The following RIPOR2 variants were observed in gnomAD, a reference collection of about 807,000 sequenced individuals.
RIPOR2 encodes rho family-interacting cell polarization regulator 2.
In RIPOR2, 39 loss-of-function variants were observed where a neutral mutation model predicts 114.5. The observed-to-expected ratio is 0.34, with a 90% CI of 0.26 to 0.44. RIPOR2 has a LOEUF of 0.44. Among genes scored for constraint, RIPOR2 ranks in the 20% least tolerant of loss-of-function variants. The pLI is 1.00. For missense variants in RIPOR2, 1,007 were observed against 1,255.1 expected, an observed-to-expected ratio of 0.80 and a Z score of 2.99; for synonymous variants, 445 against 484.4, an observed-to-expected ratio of 0.92 and a Z score of 1.07.
chr6:24,955,740 C>T (rs1773005333), intron 1 of RIPOR2, among the ~76,000 whole-genome samples: 2 of 150,198 alleles, frequency 1.3e-5, no homozygotes, highest in South Asian at 4.2e-4. Flanking sequence ...TGCAGTGGCT[C>T]ACGGCTGTAA....
chr6:24,857,230 C>T (rs1029196558), intron 8 of RIPOR2, among the ~76,000 whole-genome samples: 1 of 152,122 alleles, frequency 6.6e-6, no homozygotes, highest in Non-Finnish European at 1.5e-5. Context: ...CTTACAGGCT[C>T]TTGTCTGGGG....
At chr6:24,949,349 T>C (rs1465145406) in intron 1 of RIPOR2, among the ~76,000 whole-genome samples, 1 of 152,114 alleles carries the variant, frequency 6.6e-6, no homozygotes, top group Admixed American at 6.6e-5. Context: ...TATCACGAGG[T>C]TGAAGCCTTT....
intron 1 of RIPOR2, among the ~76,000 whole-genome samples, chr6:25,002,890 G>A (rs1377573014): frequency 2.6e-5 from 4 of 152,330 alleles, no homozygotes; most frequent in South Asian, 2.1e-4. Flanking sequence ...TGTGTGGTTC[G>A]TCCGAAGTTG....
intron 1 of RIPOR2, among the ~76,000 whole-genome samples, chr6:24,889,649 T>C (rs1767141886): frequency 6.6e-6 from 1 of 152,072 alleles, no homozygotes; most frequent in South Asian, 2.1e-4. Context: ...ATATATATTT[T>C]AAAGCAACTA....
chr6:24,808,922 G>A (rs1200568824), intron 21 of RIPOR2, among the ~76,000 whole-genome samples: 5 of 151,732 alleles, frequency 3.3e-5, no homozygotes, highest in African/African-American at 9.7e-5. Flanking sequence ...ACCACACCTG[G>A]CTAATTTTTG....
chr6:24,809,644 A>C, intron 21 of RIPOR2, 73 bp downstream of exon 21: 1 of 1,005,616 alleles, frequency 9.9e-7, no homozygotes, highest in Non-Finnish European at 1.5e-6. Flanking sequence ...GGAGAAGGGA[A>C]CATCTAAATG....
chr6:24,834,626 G>A (rs62401986), intron 15 of RIPOR2, among the ~76,000 whole-genome samples: 4,016 of 152,124 alleles, frequency 0.026, 85 homozygotes, highest in Non-Finnish European at 0.038. Context: ...ATCGAGACAG[G>A]TCTCTGAGAG....
rs79868980 is a variant in RIPOR2, at chr6:24,830,452, C to G, written c.2506+57G>C. On this transcript the variant is annotated intron_variant, in intron 17 of 21. Coordinates refer to ENST00000643898, the MANE Select transcript of RIPOR2 (RefSeq NM_001286445.3). Reference sequence around the variant, plus strand: ...GGACCCCTCTCCCCCGACCCCCACCCCAATGCCCACTCTCACACTGAAGGA... The same window carrying G: ...GGACCCCTCTCCCCCGACCCCCACCGCAATGCCCACTCTCACACTGAAGGA... 55,879 of 1,464,546 alleles carry G rather than the reference C, an allele frequency of 0.038. 1,414 individuals carry two copies. Among genetic ancestry groups the G allele is most frequent in the East Asian group, 0.082 (3,294 of 40,124 alleles). The allele number at this position is 1,464,546 out of a possible 1,614,324, so 90.7% of individuals were successfully genotyped here.
intron 1 of RIPOR2, among the ~76,000 whole-genome samples, chr6:24,885,342 C>T (rs1262616489): frequency 6.6e-6 from 1 of 152,180 alleles, no homozygotes; most frequent in Non-Finnish European, 1.5e-5. Context: ...CCTGCCTCAG[C>T]CTCCCGAGTA....
intron 2 of RIPOR2, 107 bp downstream of exon 2, chr6:24,875,584 G>T: frequency 1.0e-6 from 1 of 960,964 alleles, no homozygotes; most frequent in South Asian, 1.7e-5. Context: ...TGGGGAGGAG[G>T]CCGGGGGGCG....
chr6:24,856,170 T>C (rs1228859471), intron 8 of RIPOR2, among the ~76,000 whole-genome samples: 1 of 151,808 alleles, frequency 6.6e-6, no homozygotes, highest in East Asian at 1.9e-4. Context: ...GCTGTTACCA[T>C]CACTTGTCAG....
chr6:24,810,308 A>T (rs1300362740), intron 20 of RIPOR2, among the ~76,000 whole-genome samples: 1 of 152,164 alleles, frequency 6.6e-6, no homozygotes, highest in Non-Finnish European at 1.5e-5. Flanking sequence ...ATTCCACAGC[A>T]CACTCCTGGT....
intron 13 of RIPOR2, 110 bp from the exon 14 acceptor site, chr6:24,839,382 A>AT: frequency 7.0e-7 from 1 of 1,438,486 alleles, no homozygotes; most frequent in South Asian, 1.5e-5. Flanking sequence ...TCAAGTTTTT[A>AT]TTTTTTGTTA....
chr6:25,023,394 GT>G, intron 1 of RIPOR2: 1 of 775,192 alleles, frequency 1.3e-6, no homozygotes, highest in East Asian at 2.4e-5. Flanking sequence ...TAGGGAGAGA[GT>G]GGGGACTCCC....
chr6:24,905,646 A>G (rs577316317), intron 1 of RIPOR2, among the ~76,000 whole-genome samples: 1 of 152,354 alleles, frequency 6.6e-6, no homozygotes, highest in Admixed American at 6.5e-5. Context: ...CTTCATATGT[A>G]GCAAAAAGTA....
At chr6:25,022,499 A>AACG (rs1273307493) in intron 1 of RIPOR2, among the ~76,000 whole-genome samples, 1 of 137,030 alleles carries the variant, frequency 7.3e-6, no homozygotes, top group East Asian at 2.1e-4. Context: ...ATTTCTTTTT[A>AACG]ACGTAACACA....
At chr6:25,019,706 C>T (rs1200963763) in intron 1 of RIPOR2, among the ~76,000 whole-genome samples, 2 of 122,976 alleles carry the variant, frequency 1.6e-5, no homozygotes, top group Admixed American at 1.0e-4. Context: ...ACCTGGGAGG[C>T]GGAGGTTGTA....
chr6:24,901,742 A>G (rs905478922), intron 1 of RIPOR2, among the ~76,000 whole-genome samples: 1 of 152,200 alleles, frequency 6.6e-6, no homozygotes, highest in East Asian at 1.9e-4. Flanking sequence ...CTCCCTCCAG[A>G]GAAACACAGT....
chr6:25,033,308 T>A (rs1777087520), intron 1 of RIPOR2, among the ~76,000 whole-genome samples: 1 of 152,244 alleles, frequency 6.6e-6, no homozygotes, highest in African/African-American at 2.4e-5. Context: ...CATTGTTTAT[T>A]TGATGCTCAC....
Sources: allele counts gnomAD v4.1 joint callset (sites outside exome capture counted in the v4.1 genomes callset), GRCh38; gene constraint gnomAD v4.1.1; transcripts MANE v1.5; gene names NCBI Gene and HGNC (gene_info 2026-07-23, HGNC 2026-07-21).